SRD5A2: variants seen among roughly 807,000 people sequenced by gnomAD.
SRD5A2 encodes steroid 5 alpha-reductase 2, also known as 3-oxo-5-alpha-steroid 4-dehydrogenase 2.
SRD5A2 carries 30 observed loss-of-function variants against 27.4 expected under a neutral mutation model. That is an observed-to-expected ratio of 1.10 (90% CI 0.82 to 1.49). SRD5A2 has a LOEUF of 1.49. Among genes scored for constraint, SRD5A2 ranks in the 40% most tolerant of loss-of-function variants. The pLI is 0.00. For synonymous variants in SRD5A2, 141 were observed against 133.6 expected (o/e 1.06, Z -0.38); for missense variants, 348 against 323.4 (o/e 1.08, Z -0.58).
chr2:31,562,888 A>T (rs565164184), intron 1 of SRD5A2, among the ~76,000 whole-genome samples: 1 of 152,268 alleles, frequency 6.6e-6, no homozygotes, highest in East Asian at 1.9e-4. Context: ...ACATTCAAAG[A>T]TTGATCTACC....
At chr2:31,588,700 T>A in the SRD5A2 span, among the ~76,000 whole-genome samples, 2 of 152,210 alleles carry the variant, frequency 1.3e-5, no homozygotes, top group African/African-American at 2.4e-5. Flanking sequence ...ATAAGTAATA[T>A]GAAGATACAA....
At chr2:31,562,769 A>G (rs1281701750) in intron 1 of SRD5A2, among the ~76,000 whole-genome samples, 1 of 152,124 alleles carries the variant, frequency 6.6e-6, no homozygotes, top group Non-Finnish European at 1.5e-5. Context: ...CTCAAACCTC[A>G]GCATCACACA....
At chr2:31,658,067 T>C in the SRD5A2 span, among the ~76,000 whole-genome samples, 1 of 152,108 alleles carries the variant, frequency 6.6e-6, no homozygotes. Context: ...CCAGCTTCTG[T>C]AGAAGAATTT....
At chr2:31,635,255 C>T in the SRD5A2 span, among the ~76,000 whole-genome samples, 11 of 151,956 alleles carry the variant, frequency 7.2e-5, no homozygotes, top group Non-Finnish European at 1.2e-4. Flanking sequence ...GATGACTTAA[C>T]GTCACATTGT....
the SRD5A2 span, among the ~76,000 whole-genome samples, chr2:31,647,346 T>C: frequency 2.0e-5 from 3 of 152,182 alleles, no homozygotes; most frequent in Non-Finnish European, 4.4e-5. Context: ...ATGCCCACAC[T>C]GATAGCCCAT....
the SRD5A2 span, among the ~76,000 whole-genome samples, chr2:31,643,025 G>A: frequency 6.6e-6 from 1 of 152,014 alleles, no homozygotes; most frequent in Non-Finnish European, 1.5e-5. Context: ...TGGGCAGGAG[G>A]GACACTGCAT....
At chr2:31,645,575 G>C in the SRD5A2 span, among the ~76,000 whole-genome samples, 1 of 152,088 alleles carries the variant, frequency 6.6e-6, no homozygotes, top group African/African-American at 2.4e-5. Context: ...TTGTAGAAAT[G>C]AAAGAAAAAT....
intron 4 of SRD5A2, among the ~76,000 whole-genome samples, chr2:31,528,337 G>C (rs1440565975): frequency 6.6e-6 from 1 of 152,204 alleles, no homozygotes; most frequent in Non-Finnish European, 1.5e-5. Context: ...AGATTCCAGG[G>C]GAAATAATCC....
At chr2:31,655,658 G>C in the SRD5A2 span, among the ~76,000 whole-genome samples, 2 of 152,142 alleles carry the variant, frequency 1.3e-5, no homozygotes, top group Non-Finnish European at 2.9e-5. Flanking sequence ...CGTCCCACTC[G>C]TGTTGAGGAA....
chr2:31,574,801 T>C (rs1464992584), intron 1 of SRD5A2, among the ~76,000 whole-genome samples: 1 of 152,248 alleles, frequency 6.6e-6, no homozygotes, highest in Admixed American at 6.5e-5. Flanking sequence ...AGCCACGCCA[T>C]TCATAGTTTT....
the SRD5A2 span, chr2:31,651,767 C>A: frequency 6.6e-6 from 1 of 152,644 alleles, no homozygotes. Flanking sequence ...GCACAGTAAC[C>A]CCAATCCAGC....
At chr2:31,529,561 T>C (rs1665860038) in intron 3 of SRD5A2, 104 bp from the exon 4 acceptor site, 2 of 1,466,234 alleles carry the variant, frequency 1.4e-6, no homozygotes, top group Non-Finnish European at 1.8e-6. Flanking sequence ...AGAACAAATG[T>C]GGGGCTGGAG....
Position 31,557,441 on chromosome 2 carries a change from T to C in SRD5A2, c.281+23179A>G, listed in dbSNP as rs28383014. 5.8e-3 allele frequency among the ~76,000 whole-genome samples: 878 copies of C among 152,354 alleles called. 5 individuals carry two copies. The highest frequency in any genetic ancestry group is 8.0e-3 in the Non-Finnish European group (544 of 68,030). On this transcript the variant is annotated intron_variant, in intron 1 of 4. Coordinates refer to ENST00000622030, the MANE Select transcript of SRD5A2 (RefSeq NM_000348.4). Reference sequence around the variant, plus strand: ...CACAGAGAAATTGGACCGCAAAACCTAGTAAAAGGCTTAACTCAGTAAAAC... The same window carrying C: ...CACAGAGAAATTGGACCGCAAAACCCAGTAAAAGGCTTAACTCAGTAAAAC...
At chr2:31,643,211 G>A in the SRD5A2 span, among the ~76,000 whole-genome samples, 2 of 152,022 alleles carry the variant, frequency 1.3e-5, no homozygotes, top group African/African-American at 2.4e-5. Context: ...TAATATAATT[G>A]TTACATTTGC....
At chr2:31,584,462 G>A (rs1186127445), upstream of SRD5A2, among the ~76,000 whole-genome samples, 1 of 152,124 alleles carries the variant, frequency 6.6e-6, no homozygotes, top group African/African-American at 2.4e-5. Flanking sequence ...ACAACTACTA[G>A]AGTTGAGCCA....
chr2:31,586,094 G>A, the SRD5A2 span, among the ~76,000 whole-genome samples: 5 of 151,848 alleles, frequency 3.3e-5, no homozygotes, highest in African/African-American at 9.7e-5. Flanking sequence ...GTGGTGTTTG[G>A]TTACACAGAT....
the SRD5A2 span, among the ~76,000 whole-genome samples, chr2:31,648,388 G>A: frequency 1.3e-5 from 2 of 152,174 alleles, no homozygotes; most frequent in African/African-American, 2.4e-5. Flanking sequence ...GTGTGTGGGA[G>A]TGATTCCCTT....
chr2:31,565,301 G>C (rs1235754390), intron 1 of SRD5A2, among the ~76,000 whole-genome samples: 1 of 151,704 alleles, frequency 6.6e-6, no homozygotes, highest in Non-Finnish European at 1.5e-5. Flanking sequence ...AGACACAAAT[G>C]GAAACAAATA....
At chr2:31,610,726 A>G in the SRD5A2 span, among the ~76,000 whole-genome samples, 1 of 152,240 alleles carries the variant, frequency 6.6e-6, no homozygotes, top group Non-Finnish European at 1.5e-5. Flanking sequence ...ATGACCTTTT[A>G]TGAAGAAAAC....
Sources: allele counts gnomAD v4.1 joint callset (sites outside exome capture counted in the v4.1 genomes callset), GRCh38; gene constraint gnomAD v4.1.1; transcripts MANE v1.5; gene names NCBI Gene and HGNC (gene_info 2026-07-23, HGNC 2026-07-21).